Variants in UBR3 observed in about 807,000 individuals in gnomAD.
The protein encoded by UBR3 is ubiquitin protein ligase E3 component n-recognin 3.
UBR3 carries 85 observed loss-of-function variants against 243.2 expected under a neutral mutation model. The ratio of observed to expected loss-of-function variants is 0.35; its 90% CI spans 0.29 to 0.42. The LOEUF (loss-of-function observed/expected upper bound fraction) is 0.42, where lower values mean the gene tolerates loss of function less well. Ranked by LOEUF, UBR3 falls within the 10% of genes least tolerant of loss-of-function variation. The probability of loss-of-function intolerance (pLI) is 1.00; values close to 1 mark genes in which losing one functional copy is unlikely to be tolerated. For missense variants in UBR3, 1,686 were observed against 2,300.8 expected (o/e 0.73, Z 5.47); for synonymous variants, 748 against 799.8 (o/e 0.94, Z 1.09).
Position 169,923,917 on chromosome 2 carries a change from T to G in UBR3, c.1867-12T>G, listed in dbSNP as rs1295055705. 6.5e-7 allele frequency: 1 copy of G among 1,531,540 alleles called. No homozygotes were observed. Among genetic ancestry groups the G allele is most frequent in the African/African-American group, 1.4e-5 (1 of 71,738 alleles). The allele number at this position is 1,531,540 out of a possible 1,614,324, so 94.9% of individuals were successfully genotyped here. ...TAGTCTTTGACTTGTGCATTTTGTT[T>G]GTTTATTCCAGCCAGCACCTAACCA... On this transcript the variant is annotated splice_polypyrimidine_tract_variant and intron_variant, in intron 11 of 38. Coordinates refer to ENST00000272793, the MANE Select transcript of UBR3 (RefSeq NM_172070.4).
intron 1 of UBR3, among the ~76,000 whole-genome samples, chr2:169,849,539 C>T (rs1300883408): frequency 6.6e-6 from 1 of 152,206 alleles, no homozygotes; most frequent in East Asian, 1.9e-4. Flanking sequence ...AAGTGATCCA[C>T]CCACCTTGAC....
chr2:169,944,225 A>G (rs1276293396), intron 20 of UBR3, among the ~76,000 whole-genome samples: 2 of 152,180 alleles, frequency 1.3e-5, no homozygotes, highest in Non-Finnish European at 2.9e-5. Context: ...TAAGCTAGCA[A>G]AAATCCTTAT....
chr2:169,946,374 A>G lies in UBR3; in HGVS notation c.2892A>G (p.Glu964=). ...AATTAGGACTTGAAAATTCTGCTGAAGAAGAATCAGATGAAGAGGTAAGTA... is the reference window on the plus strand; with the variant it reads ...AATTAGGACTTGAAAATTCTGCTGAGGAAGAATCAGATGAAGAGGTAAGTA... ...LIELGLENSA[E]EESDEEASVG... Residue 964 remains glutamate (E), a synonymous_variant, in exon 21 of 39, where the codon GAA becomes GAG. Transcript: ENST00000272793. 1 of 1,500,194 alleles carries G rather than the reference A, an allele frequency of 6.7e-7. No homozygotes were observed. The highest frequency in any genetic ancestry group is 8.9e-7 in the Non-Finnish European group (1 of 1,118,818). The allele number at this position is 1,500,194 out of a possible 1,614,324, so 92.9% of individuals were successfully genotyped here. A position where few individuals can be genotyped will look rare whatever the true frequency, so the allele number is the denominator to read the frequency against.
In UBR3 at chr2:170,080,567, G is replaced by A; in HGVS notation, c.5432G>A (p.Gly1811Glu). The part of the protein sequence containing the change: ...CVLHSQNCGA[G>E]TGIFLLINAS... Reference sequence around the variant, plus strand: ...TAGCACTCTCAGAACTGTGGTGCAGGAACAGGTATTTTCCTTTTGATCAAT... The same window carrying A: ...TAGCACTCTCAGAACTGTGGTGCAGAAACAGGTATTTTCCTTTTGATCAAT... Residue 1811 changes from glycine (G) to glutamate (E), a missense_variant, in exon 38 of 39, where the codon GGA (glycine) becomes GAA (glutamate). This residue lies in a region of UBR3 where 89 missense variants were observed against 183.3 expected (regional missense o/e 0.49). Transcript: ENST00000272793. The A allele has an allele frequency of 6.2e-7, 1 of 1,613,338 alleles. No homozygotes were observed. The highest frequency in any genetic ancestry group is 8.5e-7 in the Non-Finnish European group (1 of 1,179,654).
intron 1 of UBR3, among the ~76,000 whole-genome samples, chr2:169,832,130 A>G (rs1462876543): frequency 1.3e-5 from 2 of 152,222 alleles, no homozygotes; most frequent in Admixed American, 1.3e-4. Flanking sequence ...GGATTTAGTT[A>G]TTTTTGACTG....
chr2:169,912,618 T>A (rs965033345), intron 10 of UBR3, among the ~76,000 whole-genome samples: 1 of 152,186 alleles, frequency 6.6e-6, no homozygotes, highest in African/African-American at 2.4e-5. Context: ...TGATAGATAT[T>A]TGGGTTGATT....
At chr2:169,948,729 T>C (rs2086885405) in intron 22 of UBR3, among the ~76,000 whole-genome samples, 1 of 152,050 alleles carries the variant, frequency 6.6e-6, no homozygotes, top group Non-Finnish European at 1.5e-5. Context: ...TATACTGTCA[T>C]TTAACTCACA....
intron 36 of UBR3, among the ~76,000 whole-genome samples, chr2:170,076,587 A>G (rs1224959282): frequency 6.6e-6 from 1 of 152,240 alleles, no homozygotes. Flanking sequence ...CAATAGTAAG[A>G]GAATGAAAAT....
chr2:169,863,987 C>G (rs2083172158), intron 1 of UBR3, among the ~76,000 whole-genome samples: 1 of 152,150 alleles, frequency 6.6e-6, no homozygotes, highest in Non-Finnish European at 1.5e-5. Flanking sequence ...CCTGACAAAC[C>G]CAATCTAAAG....
At chr2:169,886,156 CAA>C (rs71006050) in intron 5 of UBR3, among the ~76,000 whole-genome samples, 14 of 112,144 alleles carry the variant, frequency 1.2e-4, no homozygotes, top group East Asian at 7.6e-4. Flanking sequence ...GACTCCGTCT[CAA>C]AAAAAAAAAA....
chr2:169,901,567 A>AT (rs2084824515), intron 8 of UBR3, among the ~76,000 whole-genome samples: 1 of 152,066 alleles, frequency 6.6e-6, no homozygotes, highest in Non-Finnish European at 1.5e-5. Flanking sequence ...CTTTCTTTTT[A>AT]TTTTTTAGCA....
intron 19 of UBR3, among the ~76,000 whole-genome samples, chr2:169,941,903 A>G (rs1335467304): frequency 6.6e-6 from 1 of 152,236 alleles, no homozygotes; most frequent in African/African-American, 2.4e-5. Flanking sequence ...CAGTGAGGGT[A>G]AAGCCTGTCA....
At chr2:170,024,614 A>T (rs2090480887) in intron 30 of UBR3, among the ~76,000 whole-genome samples, 1 of 152,048 alleles carries the variant, frequency 6.6e-6, no homozygotes. Flanking sequence ...TTTTTATTTT[A>T]TAGAGTTTTT....
chr2:169,867,788 A>G (rs879858397), intron 1 of UBR3, among the ~76,000 whole-genome samples: 1 of 152,192 alleles, frequency 6.6e-6, no homozygotes, highest in Non-Finnish European at 1.5e-5. Flanking sequence ...AATCATGCAG[A>G]CTCAACATTT....
rs1354296233 is a variant in UBR3 at position 170,046,503 on chromosome 2, G to T, written c.4660+5518G>T. On this transcript the variant is annotated intron_variant, in intron 32 of 38. Transcript: ENST00000272793. ...TAATAACATGATCTTCTGTCCCTGT[G>T]TGTGTCCTACAGACTGGCAGATAGA... Among the ~76,000 whole-genome samples the T allele has an allele frequency of 2.0e-5, 3 of 152,202 alleles. No individual in the cohort carries two copies. In the South Asian group the frequency reaches 6.2e-4, roughly 32 times the overall value.
intron 36 of UBR3, among the ~76,000 whole-genome samples, chr2:170,076,173 G>A (rs2091805414): frequency 6.6e-6 from 1 of 152,154 alleles, no homozygotes. Flanking sequence ...GCAGGATCTT[G>A]TGTTGGGGAC....
intron 1 of UBR3, among the ~76,000 whole-genome samples, chr2:169,846,810 G>A (rs2082496542): frequency 6.6e-6 from 1 of 152,086 alleles, no homozygotes; most frequent in Admixed American, 6.5e-5. Context: ...ATGGCTCACT[G>A]CAGTCTTGAC....
At chr2:170,003,893 G>C (rs1021489344) in intron 27 of UBR3, among the ~76,000 whole-genome samples, 1 of 152,200 alleles carries the variant, frequency 6.6e-6, no homozygotes, top group Admixed American at 6.5e-5. Flanking sequence ...ATCCGCCTCA[G>C]CCTCCCAAAG....
chr2:169,858,903 T>C (rs911226798), intron 1 of UBR3, among the ~76,000 whole-genome samples: 1 of 152,102 alleles, frequency 6.6e-6, no homozygotes, highest in Non-Finnish European at 1.5e-5. Context: ...CCCGGCCTCA[T>C]TTAGTACTTT....
Sources: gnomAD v4.1 joint callset for allele counts (sites outside exome capture counted in the v4.1 genomes callset) on GRCh38, gnomAD v4.1.1 for gene constraint, gnomAD v4.1.1 regional missense constraint, MANE v1.5 for transcripts, NCBI Gene and HGNC (gene_info 2026-07-23, HGNC 2026-07-21) for gene names.